The following SLC1A7 variants were observed in gnomAD, a reference collection of about 807,000 sequenced individuals.
SLC1A7 encodes the protein excitatory amino acid transporter 5.
In SLC1A7, 40 loss-of-function variants were observed where a neutral mutation model predicts 47.7. The ratio of observed to expected loss-of-function variants is 0.84; its 90% CI spans 0.65 to 1.09. SLC1A7 has a LOEUF of 1.09. Among genes scored for constraint, SLC1A7 ranks in the 50% least tolerant of loss-of-function variants. The probability of loss-of-function intolerance (pLI) is 0.00; values close to 1 mark genes in which losing one functional copy is unlikely to be tolerated. For missense variants in SLC1A7, 746 were observed against 769.5 expected (o/e 0.97, Z 0.36); for synonymous variants, 323 against 325.6 (o/e 0.99, Z 0.09).
chr1:53,092,139 G>A (rs1013991578), intron 7 of SLC1A7, among the ~76,000 whole-genome samples: 14 of 152,258 alleles, frequency 9.2e-5, no homozygotes, highest in African/African-American at 3.4e-4. Context: ...TGCCAAGGTT[G>A]TGACAGGGCA....
chr1:53,104,127 G>T (rs757232087), intron 4 of SLC1A7, among the ~76,000 whole-genome samples: 2 of 152,150 alleles, frequency 1.3e-5, no homozygotes, highest in African/African-American at 2.4e-5. Flanking sequence ...GGTACTGGGA[G>T]CCCAAAAAGG....
intron 1 of SLC1A7, among the ~76,000 whole-genome samples, chr1:53,139,185 A>G (rs1429621862): frequency 6.6e-6 from 1 of 152,224 alleles, no homozygotes; most frequent in Non-Finnish European, 1.5e-5. Flanking sequence ...GCAGGGTGAC[A>G]GGTGCTGATC....
chr1:53,141,512 T>C (rs1401759273), intron 1 of SLC1A7, among the ~76,000 whole-genome samples: 1 of 151,952 alleles, frequency 6.6e-6, no homozygotes, highest in East Asian at 1.9e-4. Context: ...CTCCCTCTCC[T>C]GTAGGAGATG....
rs1249045214 is a variant in SLC1A7, at chr1:53,098,718, ACT to A, written c.697+4626_697+4627del. The stretch of plus-strand genomic sequence containing the variant: ...ACACTCACATAACTGGCCTCGGTAC[ACT>A]CACACATACCGCCTCGATACACTCA... On this transcript the variant is annotated intron_variant, in intron 5 of 10. Transcript: ENST00000371494. Among the ~76,000 whole-genome samples the A allele has an allele frequency of 7.3e-5, 11 of 151,178 alleles. No individual in the cohort carries two copies. In the East Asian group the frequency reaches 2.2e-3, roughly 30 times the overall value.
chr1:53,091,227 C>T (rs927153362), intron 7 of SLC1A7, among the ~76,000 whole-genome samples: 6 of 152,364 alleles, frequency 3.9e-5, no homozygotes, highest in South Asian at 2.1e-4. Context: ...GAGGATTAAA[C>T]GACTACGGGC....
At position 53,128,903 on chromosome 1, in the gene SLC1A7, G is replaced by A. The variant is rs1177682801; in HGVS notation, c.215+5447C>T. ...TAGAAAAACATGGGACATCTGCCAG[G>A]CATGGTGGCTCACGCATGTAATCCT... On this transcript the variant is annotated intron_variant, in intron 2 of 10. Transcript: ENST00000371494. Among the ~76,000 whole-genome samples, 2 of 142,096 alleles carry A rather than the reference G, an allele frequency of 1.4e-5. 1 individual carries two copies. The highest frequency in any genetic ancestry group is 3.1e-5 in the Non-Finnish European group (2 of 64,316). The allele number at this position is 142,096 out of a possible 152,430, so 93.2% of individuals were successfully genotyped here.
chr1:53,105,595 C>G lies in SLC1A7; in HGVS notation c.474+137G>C, dbSNP rs1052700573. Reference sequence around the variant, plus strand: ...ATCTAGGTTCCCCAGCGTACCCTCCCCTCTAGCATCCCACCTCCAGCAGAC... The same window carrying G: ...ATCTAGGTTCCCCAGCGTACCCTCCGCTCTAGCATCCCACCTCCAGCAGAC... On this transcript the variant is annotated intron_variant, in intron 4 of 10. Transcript: ENST00000371494. 1.7e-5 allele frequency: 13 copies of G among 767,506 alleles called. No individual in the cohort carries two copies. The African/African-American group carries it at 1.9e-4, about 11-fold the overall frequency. 47.5% of individuals were successfully genotyped at this position (767,506 alleles called of 1,614,324 possible).
Position 53,090,733 on chromosome 1 carries a change from C to A in SLC1A7, c.1105G>T (p.Val369Leu). Residue 369 changes from valine (V) to leucine (L), a missense_variant, in exon 8 of 11, where the codon GTG becomes TTG. Coordinates refer to ENST00000371494, the MANE Select transcript of SLC1A7 (RefSeq NM_006671.6). ...TTGATGGTGGCACCCACGGGCAGCA[C>A]GAAGCGAGCGATGCGCCGGTCGATG... is the stretch of plus-strand genomic sequence containing the variant. ...NHIDRRIARF[V>L]LPVGATINMD... The A allele has an allele frequency of 6.2e-7, 1 of 1,613,958 alleles. No individual in the cohort carries two copies. Among genetic ancestry groups the A allele is most frequent in the Non-Finnish European group, 8.5e-7 (1 of 1,179,962 alleles).
intron 2 of SLC1A7, among the ~76,000 whole-genome samples, chr1:53,132,454 C>T (rs10888767): frequency 0.4 from 61,391 of 151,776 alleles, 12,989 homozygotes; most frequent in African/African-American, 0.53. Flanking sequence ...ATGACAGGCC[C>T]GATGGAAGAC....
In SLC1A7 at chr1:53,094,376, C is replaced by CT. The variant is rs1644460280; in HGVS notation, c.698-817_698-816insA. Reference sequence around the variant, plus strand: ...GTGGGGTGAGCTCTGTCAGGCCAGTCCTGAAACAGGGACTGAGTGGCTGCC... The same window carrying CT: ...GTGGGGTGAGCTCTGTCAGGCCAGTCTCTGAAACAGGGACTGAGTGGCTGCC... On this transcript the variant is annotated intron_variant, in intron 5 of 10. Coordinates refer to ENST00000371494, the MANE Select transcript of SLC1A7 (RefSeq NM_006671.6). Among the ~76,000 whole-genome samples, 38 of 152,296 alleles carry CT rather than the reference C, an allele frequency of 2.5e-4. No individual in the cohort carries two copies. In the South Asian group the frequency reaches 7.9e-3, roughly 32 times the overall value.
At chr1:53,133,238 G>C (rs1329876955) in intron 2 of SLC1A7, among the ~76,000 whole-genome samples, 1 of 152,186 alleles carries the variant, frequency 6.6e-6, no homozygotes, top group South Asian at 2.1e-4. Flanking sequence ...AGATTCACAG[G>C]CTCAGTGAAT....
At chr1:53,092,148 C>T (rs1332138499) in intron 7 of SLC1A7, among the ~76,000 whole-genome samples, 1 of 152,230 alleles carries the variant, frequency 6.6e-6, no homozygotes, top group Non-Finnish European at 1.5e-5. Context: ...TGTGACAGGG[C>T]ACCCAGCCAG....
chr1:53,135,851 A>G (rs992877538), intron 1 of SLC1A7, among the ~76,000 whole-genome samples: 16 of 152,070 alleles, frequency 1.1e-4, no homozygotes, highest in African/African-American at 3.9e-4. Context: ...ACTTTCAAAC[A>G]TCATCCAAGT....
At chr1:53,136,149 CTCTA>C (rs200772474) in intron 1 of SLC1A7, among the ~76,000 whole-genome samples, 9,048 of 110,230 alleles carry the variant, frequency 0.082, 295 homozygotes, top group East Asian at 0.12. Context: ...CTCTCTCTCT[CTCTA>C]TATATATATA....
chr1:53,103,319 A>G (rs771232999), intron 5 of SLC1A7, 27 bp downstream of exon 5: 5 of 1,531,556 alleles, frequency 3.3e-6, no homozygotes, highest in Non-Finnish European at 4.4e-6. Context: ...GCTCCACGGC[A>G]CTGCTGGGCA....
At chr1:53,131,220 C>T (rs1462301901) in intron 2 of SLC1A7, among the ~76,000 whole-genome samples, 1 of 152,168 alleles carries the variant, frequency 6.6e-6, no homozygotes, top group Non-Finnish European at 1.5e-5. Context: ...GACGGGCCTT[C>T]GTTGCTGGGT....
intron 5 of SLC1A7, chr1:53,103,098 G>A (rs1644601293): frequency 2.3e-6 from 1 of 430,746 alleles, no homozygotes; most frequent in Non-Finnish European, 4.1e-6. Context: ...GGGTGTGGCA[G>A]GGATGCCAGC....
At chr1:53,097,599 T>C (rs1644512627) in intron 5 of SLC1A7, among the ~76,000 whole-genome samples, 1 of 149,618 alleles carries the variant, frequency 6.7e-6, no homozygotes, top group South Asian at 2.1e-4. Context: ...ACTGCCTCGG[T>C]ACACTCAAAC....
chr1:53,131,235 A>C (rs1644939452), intron 2 of SLC1A7, among the ~76,000 whole-genome samples: 1 of 152,240 alleles, frequency 6.6e-6, no homozygotes, highest in East Asian at 1.9e-4. Context: ...CTGGGTAAAG[A>C]AGCCCAGGGT....
Sources: gnomAD v4.1 joint callset for allele counts (sites outside exome capture counted in the v4.1 genomes callset) on GRCh38, gnomAD v4.1.1 for gene constraint, MANE v1.5 for transcripts, NCBI Gene and HGNC (gene_info 2026-07-23, HGNC 2026-07-21) for gene names.